The following CUX1 variants were observed in gnomAD, a reference collection of about 807,000 sequenced individuals.
CUX1 encodes cut like homeobox 1, also known as protein CASP.
A neutral mutation model predicts 158.8 loss-of-function variants in CUX1; 31 were observed. That is an observed-to-expected ratio of 0.20 (90% CI 0.15 to 0.26). The LOEUF is 0.26. Among genes scored for constraint, CUX1 ranks in the 10% least tolerant of loss-of-function variants. CUX1 has a pLI of 1.00. For synonymous variants in CUX1, 879 were observed against 862.1 expected (o/e 1.02, Z -0.34); for missense variants, 1,589 against 2,014.6 (o/e 0.79, Z 4.04).
chr7:102,057,151 G>A (rs1056433358), intron 3 of CUX1, among the ~76,000 whole-genome samples: 24 of 150,800 alleles, frequency 1.6e-4, no homozygotes, highest in Admixed American at 4.6e-4. Context: ...TCCGCCCGCC[G>A]CAGCCTCCCA....
intron 17 of CUX1, among the ~76,000 whole-genome samples, chr7:102,200,398 A>G (rs1795290504): frequency 6.6e-6 from 1 of 152,032 alleles, no homozygotes; most frequent in South Asian, 2.1e-4. Context: ...GCTGGAGTGC[A>G]GTGGCACGAT....
chr7:102,282,860 T>G, intron 22 of CUX1: 6 of 808,864 alleles, frequency 7.4e-6, no homozygotes, highest in African/African-American at 2.3e-5. Context: ...CTGCCTCATG[T>G]CCCCCACTCC....
intron 11 of CUX1, among the ~76,000 whole-genome samples, chr7:102,183,329 T>C (rs1554514520): frequency 6.6e-6 from 1 of 152,024 alleles, no homozygotes; most frequent in Non-Finnish European, 1.5e-5. Flanking sequence ...TCTTAATTTT[T>C]TTTTTTTTAA....
intron 1 of CUX1, among the ~76,000 whole-genome samples, chr7:101,881,477 C>T (rs1584867426): frequency 1.3e-5 from 2 of 152,324 alleles, no homozygotes; most frequent in East Asian, 1.9e-4. Context: ...CCCTTGATTC[C>T]TCCTCGCTGG....
intron 6 of CUX1, among the ~76,000 whole-genome samples, chr7:102,107,151 T>G (rs915348990): frequency 3.3e-5 from 5 of 152,136 alleles, no homozygotes; most frequent in Non-Finnish European, 4.4e-5. Context: ...GGAGGATTAC[T>G]TGAGGTCAGG....
At chr7:102,231,069 G>A (rs2132397695) in intron 21 of CUX1, among the ~76,000 whole-genome samples, 1 of 131,718 alleles carries the variant, frequency 7.6e-6, no homozygotes, top group South Asian at 2.4e-4. Flanking sequence ...TCGCTCTGTT[G>A]CCCAGGGTGG....
At chr7:102,084,427 CTTT>C (rs11353240) in intron 4 of CUX1, among the ~76,000 whole-genome samples, 1 of 116,284 alleles carries the variant, frequency 8.6e-6, no homozygotes. Flanking sequence ...ATACTTTTTT[CTTT>C]TTTTTTTTTT....
At chr7:102,166,525 A>G (rs1472939662) in intron 9 of CUX1, among the ~76,000 whole-genome samples, 1 of 152,150 alleles carries the variant, frequency 6.6e-6, no homozygotes, top group Non-Finnish European at 1.5e-5. Flanking sequence ...CTGGTTTAAC[A>G]GGGGTCTTCA....
chr7:102,282,775 A>C, exon 22 of CUX1: 3 of 1,612,480 alleles, frequency 1.9e-6, no homozygotes, highest in Non-Finnish European at 8.5e-7. Flanking sequence ...CTGCGCCAAG[A>C]AGTGAGGACC....
At chr7:102,138,310 A>T (rs1432793278) in intron 8 of CUX1, among the ~76,000 whole-genome samples, 2 of 152,184 alleles carry the variant, frequency 1.3e-5, no homozygotes, top group African/African-American at 4.8e-5. Flanking sequence ...CATTTTACTG[A>T]TATAACTCTT....
At chr7:102,121,719 T>A (rs1303875195) in intron 8 of CUX1, among the ~76,000 whole-genome samples, 1 of 152,178 alleles carries the variant, frequency 6.6e-6, no homozygotes, top group Non-Finnish European at 1.5e-5. Flanking sequence ...TTTCCTGAAG[T>A]CACTGGGGCA....
intron 1 of CUX1, among the ~76,000 whole-genome samples, chr7:101,846,431 A>G (rs920584473): frequency 6.6e-6 from 1 of 151,736 alleles, no homozygotes; most frequent in Admixed American, 6.6e-5. Flanking sequence ...CGATCCTCCC[A>G]CCACAGCCTC....
rs1554540519 is a variant in CUX1, at chr7:102,252,501, T to A, written c.*3459T>A. 2.0e-6 allele frequency: 2 copies of A among 985,374 alleles called. No individual in the cohort carries two copies. Among genetic ancestry groups the A allele is most frequent in the Non-Finnish European group, 2.4e-6 (2 of 829,952 alleles). The allele number at this position is 985,374 out of a possible 1,614,324, so 61.0% of individuals were successfully genotyped here. A position where few individuals can be genotyped will look rare whatever the true frequency, so the allele number is the denominator to read the frequency against. ...TAATTACAAGCTCCATTATGCCATT[T>A]TAAATGGCTTCTTTTTGTTAATTGG... On this transcript the variant is annotated 3_prime_UTR_variant, in exon 24 of 24. Transcript: ENST00000292535.
intron 18 of CUX1, among the ~76,000 whole-genome samples, chr7:102,279,118 A>C (rs2132836142): frequency 6.6e-6 from 1 of 152,068 alleles, no homozygotes; most frequent in African/African-American, 2.4e-5. Flanking sequence ...AGGCGGGCGG[A>C]TCATTTGAGG....
At chr7:101,855,651 G>A (rs1026542024) in intron 1 of CUX1, among the ~76,000 whole-genome samples, 1 of 152,042 alleles carries the variant, frequency 6.6e-6, no homozygotes, top group Non-Finnish European at 1.5e-5. Context: ...AGGTCAAGGC[G>A]GGTGGATCAC....
rs768262692 is a variant in CUX1, at chr7:102,250,753, T to G, written c.*1711T>G. Reference sequence around the variant, plus strand: ...GATTCCTCCCTTGTCTATGTGTATATGCGTGAGAATAGAGGCGGGTGAGAG... The same window carrying G: ...GATTCCTCCCTTGTCTATGTGTATAGGCGTGAGAATAGAGGCGGGTGAGAG... On this transcript the variant is annotated 3_prime_UTR_variant, in exon 24 of 24. Transcript: ENST00000292535. The G allele has an allele frequency of 6.9e-5, 68 of 985,358 alleles. No homozygotes were observed. Among genetic ancestry groups the G allele is most frequent in the Non-Finnish European group, 7.7e-5 (64 of 829,956 alleles). The allele number at this position is 985,358 out of a possible 1,614,324, so 61.0% of individuals were successfully genotyped here.
At chr7:102,132,736 A>G (rs1314124795) in intron 8 of CUX1, among the ~76,000 whole-genome samples, 1 of 138,002 alleles carries the variant, frequency 7.2e-6, no homozygotes, top group Non-Finnish European at 1.5e-5. Context: ...CAGTGGCGCA[A>G]TCTCTGCTCA....
chr7:102,210,670 G>A (rs569863880), intron 20 of CUX1, among the ~76,000 whole-genome samples: 7 of 152,328 alleles, frequency 4.6e-5, no homozygotes, highest in South Asian at 2.1e-4. Flanking sequence ...CTTTCCTGGC[G>A]TGTTAGGAAT....
rs1363027144 is a variant in CUX1, at chr7:102,254,588, G to A, written c.*5546G>A. 1.0e-6 allele frequency: 1 copy of A among 985,466 alleles called. No individual in the cohort carries two copies. Among genetic ancestry groups the A allele is most frequent in the African/African-American group, 1.7e-5 (1 of 57,362 alleles). The allele number at this position is 985,466 out of a possible 1,614,324, so 61.0% of individuals were successfully genotyped here. On this transcript the variant is annotated 3_prime_UTR_variant, in exon 24 of 24. Transcript: ENST00000292535. ...CCAAAGTGTTCCCCTGCTGGAGACAGTTTGCAAGTAAGAACCTAAGGATGG... is the reference window on the plus strand; with the variant it reads ...CCAAAGTGTTCCCCTGCTGGAGACAATTTGCAAGTAAGAACCTAAGGATGG...
Sources: gnomAD v4.1 joint callset for allele counts (sites outside exome capture counted in the v4.1 genomes callset) on GRCh38, gnomAD v4.1.1 for gene constraint, MANE v1.5 for transcripts, NCBI Gene and HGNC (gene_info 2026-07-23, HGNC 2026-07-21) for gene names.